CDH2: variants seen among roughly 807,000 people sequenced by gnomAD.
The protein encoded by CDH2 is cadherin 2.
A neutral mutation model predicts 92.0 loss-of-function variants in CDH2; 17 were observed. That is an observed-to-expected ratio of 0.18 (90% CI 0.13 to 0.28). The LOEUF is 0.28. Ranked by LOEUF, CDH2 falls within the 10% of genes least tolerant of loss-of-function variation. CDH2 has a pLI of 1.00. For missense variants in CDH2, 862 were observed against 1,133.1 expected (o/e 0.76, Z 3.44); for synonymous variants, 419 against 415.9 (o/e 1.01, Z -0.09).
intron 2 of CDH2, among the ~76,000 whole-genome samples, chr18:28,069,770 A>G (rs911349261): frequency 6.6e-6 from 1 of 152,126 alleles, no homozygotes; most frequent in Non-Finnish European, 1.5e-5. Context: ...AGTCACCACC[A>G]TAATGACCCT....
chr18:28,019,167 T>C (rs1756328287), intron 2 of CDH2, among the ~76,000 whole-genome samples: 1 of 151,968 alleles, frequency 6.6e-6, no homozygotes, highest in South Asian at 2.1e-4. Context: ...GGGTGAGGAA[T>C]GAAAGACTAC....
intron 2 of CDH2, among the ~76,000 whole-genome samples, chr18:28,020,728 G>A (rs1169542806): frequency 6.6e-6 from 1 of 151,926 alleles, no homozygotes; most frequent in Non-Finnish European, 1.5e-5. Flanking sequence ...ATGCTATGAT[G>A]GTAGATACAT....
chr18:28,149,287 G>A (rs1461770679), intron 1 of CDH2, among the ~76,000 whole-genome samples: 3 of 152,168 alleles, frequency 2.0e-5, no homozygotes, highest in African/African-American at 7.2e-5. Context: ...CCATCAAAAG[G>A]AGAATGGACT....
At chr18:28,065,276 G>T (rs2014485256) in intron 2 of CDH2, among the ~76,000 whole-genome samples, 2 of 151,954 alleles carry the variant, frequency 1.3e-5, no homozygotes, top group African/African-American at 4.8e-5. Flanking sequence ...TCTAAGCTAG[G>T]GTCCCAACTC....
Position 28,177,123 on chromosome 18 carries a change from GA to G in CDH2, c.-102del. On this transcript the variant is annotated 5_prime_UTR_variant, in exon 1 of 16. Transcript: ENST00000269141. ...GCGGCAGCACCAACAGCGGCGCGGA[GA>G]AACGGCTCCAGGCAGTTTCCACCCC... 1 of 836,284 alleles carries G rather than the reference GA, an allele frequency of 1.2e-6. No homozygotes were observed. The highest frequency in any genetic ancestry group is 1.8e-6 in the Non-Finnish European group (1 of 555,536). The allele number at this position is 836,284 out of a possible 1,614,324, so 51.8% of individuals were successfully genotyped here.
rs149738492 is a variant in CDH2, at chr18:28,070,141, G to A, written c.173-56232C>T. 3.9e-4 allele frequency among the ~76,000 whole-genome samples: 60 copies of A among 152,194 alleles called. No individual in the cohort carries two copies. In the East Asian group the frequency reaches 9.6e-3, roughly 24 times the overall value. ...CTTAGAAGAGAGCTGGAATTCTGTA[G>A]GTCAAGAAAACATATGGTAAACTGA... On this transcript the variant is annotated intron_variant, in intron 2 of 15. Coordinates refer to ENST00000269141, the MANE Select transcript of CDH2 (RefSeq NM_001792.5).
intron 2 of CDH2, among the ~76,000 whole-genome samples, chr18:28,097,600 A>G (rs902429010): frequency 6.6e-6 from 1 of 152,230 alleles, no homozygotes; most frequent in African/African-American, 2.4e-5. Context: ...TACAGTATTT[A>G]CATAGTGTGT....
chr18:28,069,943 C>G (rs969869146), intron 2 of CDH2, among the ~76,000 whole-genome samples: 2 of 152,080 alleles, frequency 1.3e-5, no homozygotes, highest in Non-Finnish European at 1.5e-5. Context: ...ACCAAAATAA[C>G]GTGATAAAGT....
At chr18:28,112,208 C>A (rs1009530268) in intron 2 of CDH2, among the ~76,000 whole-genome samples, 1 of 152,236 alleles carries the variant, frequency 6.6e-6, no homozygotes, top group Non-Finnish European at 1.5e-5. Flanking sequence ...ATCACCCCCA[C>A]TATAAATGCA....
At chr18:28,020,939 T>A (rs533030461) in intron 2 of CDH2, among the ~76,000 whole-genome samples, 1 of 152,114 alleles carries the variant, frequency 6.6e-6, no homozygotes, top group African/African-American at 2.4e-5. Context: ...TCTGCTAATA[T>A]AAAACTGGTC....
At chr18:27,997,838 A>G (rs1435895317) in intron 7 of CDH2, among the ~76,000 whole-genome samples, 2 of 151,246 alleles carry the variant, frequency 1.3e-5, no homozygotes, top group Non-Finnish European at 2.9e-5. Flanking sequence ...ACTGAGTCTC[A>G]CTCTGTCGCC....
At chr18:28,086,831 G>A (rs944862901) in intron 2 of CDH2, among the ~76,000 whole-genome samples, 1 of 152,132 alleles carries the variant, frequency 6.6e-6, no homozygotes, top group African/African-American at 2.4e-5. Flanking sequence ...TAACGGAACT[G>A]AGTCATAATG....
intron 15 of CDH2, among the ~76,000 whole-genome samples, chr18:27,960,550 C>T (rs1173929436): frequency 2.6e-5 from 4 of 152,146 alleles, no homozygotes; most frequent in South Asian, 2.1e-4. Flanking sequence ...AATAAGGCTT[C>T]GGATACTGGC....
intron 6 of CDH2, among the ~76,000 whole-genome samples, chr18:27,941,551 A>G (rs1343217180): frequency 6.6e-6 from 1 of 152,212 alleles, no homozygotes; most frequent in Non-Finnish European, 1.5e-5. Context: ...GAAAGCAATT[A>G]GATATATTTG....
intron 5 of CDH2, among the ~76,000 whole-genome samples, chr18:28,007,165 A>AAAAAAAATATATATAT (rs1172779200): frequency 2.7e-5 from 3 of 110,502 alleles, no homozygotes; most frequent in Admixed American, 1.8e-4. Context: ...ATAAAAAAAA[A>AAAAAAAATATATATAT]ATATATATAT....
chr18:28,023,318 A>T (rs1340976948), intron 2 of CDH2, among the ~76,000 whole-genome samples: 1 of 152,122 alleles, frequency 6.6e-6, no homozygotes, highest in South Asian at 2.1e-4. Context: ...TCATGTATGA[A>T]TATGAATTAT....
At chr18:28,063,653 A>G (rs1321577717) in intron 2 of CDH2, among the ~76,000 whole-genome samples, 1 of 152,206 alleles carries the variant, frequency 6.6e-6, no homozygotes, top group Non-Finnish European at 1.5e-5. Flanking sequence ...TAGCTTCAGG[A>G]AGCCATAAAG....
intron 2 of CDH2, among the ~76,000 whole-genome samples, chr18:28,133,069 T>C (rs1425805657): frequency 6.6e-6 from 1 of 152,178 alleles, no homozygotes. Context: ...AAATCAGCAA[T>C]ACCTGTCTGA....
At chr18:27,957,471 C>T (rs1216589221) in intron 15 of CDH2, among the ~76,000 whole-genome samples, 3 of 151,828 alleles carry the variant, frequency 2.0e-5, no homozygotes, top group African/African-American at 7.3e-5. Flanking sequence ...AAGTCGGTCT[C>T]AAACTCCTAG....
Sources: allele counts gnomAD v4.1 joint callset (sites outside exome capture counted in the v4.1 genomes callset), GRCh38; gene constraint gnomAD v4.1.1; transcripts MANE v1.5; gene names NCBI Gene and HGNC (gene_info 2026-07-23, HGNC 2026-07-21).